The following AGPAT4 variants were observed in gnomAD, a reference collection of about 807,000 sequenced individuals.
AGPAT4 encodes 1-acyl-sn-glycerol-3-phosphate acyltransferase delta.
AGPAT4 carries 15 observed loss-of-function variants against 48.0 expected under a neutral mutation model. That is an observed-to-expected ratio of 0.31 (90% CI 0.21 to 0.48). The LOEUF (loss-of-function observed/expected upper bound fraction) is 0.48. Among genes scored for constraint, AGPAT4 ranks in the 20% least tolerant of loss-of-function variants. AGPAT4 has a pLI of 0.99. For missense variants in AGPAT4, 314 were observed against 482.5 expected, an observed-to-expected ratio of 0.65 and a Z score of 3.27; for synonymous variants, 178 against 198.7, an observed-to-expected ratio of 0.90 and a Z score of 0.88.
Position 161,164,548 on chromosome 6 carries a change from T to C in AGPAT4, c.348+1700A>G, listed in dbSNP as rs1213279272. ...GTCTTGGGCCCCAGGGCCCCTGCTT[T>C]TGTGCCCCCAACATCTTCCAGGGGA... On this transcript the variant is annotated intron_variant, in intron 3 of 8. Coordinates refer to ENST00000320285, the MANE Select transcript of AGPAT4 (RefSeq NM_020133.3). The surrounding 1 kb of genome is among the most constrained non-coding windows in gnomAD (Gnocchi z 7.4). Among the ~76,000 whole-genome samples, 1 of 152,206 alleles carries C rather than the reference T, an allele frequency of 6.6e-6. No homozygotes were observed. The highest frequency in any genetic ancestry group is 1.5e-5 in the Non-Finnish European group (1 of 68,042).
At position 161,147,218 on chromosome 6, in the gene AGPAT4, A is replaced by G. The variant is rs554873937; in HGVS notation, c.768-619T>C. On this transcript the variant is annotated intron_variant, in intron 6 of 8. Coordinates refer to ENST00000320285, the MANE Select transcript of AGPAT4 (RefSeq NM_020133.3). This position sits in a 1 kb window ranked among gnomAD's most constrained non-coding sequence, Gnocchi z 4.8. ...CTCCATGGCTCAGACAGGGGTCTTG[A>G]GTCACTGTGCACCAGCGAGAGCTCA... Among the ~76,000 whole-genome samples the G allele has an allele frequency of 4.6e-5, 7 of 152,228 alleles. No homozygotes were observed. The highest frequency in any genetic ancestry group is 1.7e-4 in the African/African-American group (7 of 41,548).
rs1366288797 is a variant in AGPAT4 at position 161,154,105 on chromosome 6, C to A, written c.510+44G>T. The A allele has an allele frequency of 3.7e-6, 6 of 1,613,240 alleles. No homozygotes were observed. The highest frequency in any genetic ancestry group is 1.1e-5 in the South Asian group (1 of 90,910). ...CACATGGGGGTCCCACGGTCACAGT[C>A]CTGCAGGAGCCCTTGGGACACAGCT... On this transcript the variant is annotated intron_variant, in intron 4 of 8. Coordinates refer to ENST00000320285, the MANE Select transcript of AGPAT4 (RefSeq NM_020133.3). The surrounding 1 kb of genome is among the most constrained non-coding windows in gnomAD (Gnocchi z 7.8).
At chr6:161,247,619 C>T (rs893564060) in intron 1 of AGPAT4, among the ~76,000 whole-genome samples, 12 of 152,114 alleles carry the variant, frequency 7.9e-5, no homozygotes, top group African/African-American at 2.7e-4. Context: ...GGGCAAAAGC[C>T]GGAAGCATTC....
At chr6:161,194,656 ATGTG>A (rs1286210498) in intron 2 of AGPAT4, among the ~76,000 whole-genome samples, 30 of 151,444 alleles carry the variant, frequency 2.0e-4, no homozygotes, top group Non-Finnish European at 3.2e-4. Context: ...GTATGTATGT[ATGTG>A]TATGTGTGTA....
chr6:161,190,542 A>G (rs979321851), intron 2 of AGPAT4, among the ~76,000 whole-genome samples: 4 of 151,800 alleles, frequency 2.6e-5, no homozygotes, highest in Non-Finnish European at 4.4e-5. Flanking sequence ...TCTGTGGCCA[A>G]TCAGCAGAGA....
At chr6:161,187,696 A>T (rs1312178801) in intron 2 of AGPAT4, among the ~76,000 whole-genome samples, 1 of 152,022 alleles carries the variant, frequency 6.6e-6, no homozygotes, top group Non-Finnish European at 1.5e-5. Flanking sequence ...GTCCACCACC[A>T]CACCCAGCTA....
In AGPAT4 at chr6:161,171,293, A is replaced by C. The variant is rs1335962376; in HGVS notation, c.179-4876T>G. Among the ~76,000 whole-genome samples, 1 of 152,230 alleles carries C rather than the reference A, an allele frequency of 6.6e-6. No homozygotes were observed. Among genetic ancestry groups the C allele is most frequent in the Non-Finnish European group, 1.5e-5 (1 of 68,034 alleles). On this transcript the variant is annotated intron_variant, in intron 2 of 8. Transcript: ENST00000320285. The surrounding 1 kb of genome is among the most constrained non-coding windows in gnomAD (Gnocchi z 4.4). ...TTATGCTGCTGTAACAGAATAGTTG[A>C]GACTGGGCAATTTACAAAGAACAGA...
rs1308251819 is a variant in AGPAT4, at chr6:161,226,971, T to C, written c.178+5065A>G. ...GAAGAAGGAATAGAAGAAGGAAAGA[T>C]TGTTTTGTTTTACAGTTTGAAAATA... On this transcript the variant is annotated intron_variant, in intron 2 of 8. Coordinates refer to ENST00000320285, the MANE Select transcript of AGPAT4 (RefSeq NM_020133.3). The surrounding 1 kb of genome is among the most constrained non-coding windows in gnomAD (Gnocchi z 6.3). Among the ~76,000 whole-genome samples the C allele has an allele frequency of 6.6e-6, 1 of 152,144 alleles. No individual in the cohort carries two copies. Among genetic ancestry groups the C allele is most frequent in the Non-Finnish European group, 1.5e-5 (1 of 68,022 alleles).
rs1439884389 is a variant in AGPAT4, at chr6:161,254,392, GA to G, written c.-90+19545del. Among the ~76,000 whole-genome samples the G allele has an allele frequency of 2.6e-5, 4 of 152,118 alleles. No homozygotes were observed. Among genetic ancestry groups the G allele is most frequent in the Non-Finnish European group, 5.9e-5 (4 of 68,032 alleles). Reference sequence around the variant, plus strand: ...TCCTGTCATTCACATCAGCCTAACTGATAACACTATTGAGGGCATAAAGTAA... The same window carrying G: ...TCCTGTCATTCACATCAGCCTAACTGTAACACTATTGAGGGCATAAAGTAA... On this transcript the variant is annotated intron_variant, in intron 1 of 8. Coordinates refer to ENST00000320285, the MANE Select transcript of AGPAT4 (RefSeq NM_020133.3). This position sits in a 1 kb window ranked among gnomAD's most constrained non-coding sequence, Gnocchi z 5.9.
Position 161,139,725 on chromosome 6 carries a change from C to T in AGPAT4, c.844-105G>A, listed in dbSNP as rs573511886. On this transcript the variant is annotated intron_variant, in intron 7 of 8. Coordinates refer to ENST00000320285, the MANE Select transcript of AGPAT4 (RefSeq NM_020133.3). This position sits in a 1 kb window ranked among gnomAD's most constrained non-coding sequence, Gnocchi z 9.1. ...AATCGCAGAGATACACAGGTGCCAC[C>T]GGGGCTCGGCAGAACTGGGGTCTGC... 1.4e-5 allele frequency: 14 copies of T among 1,004,912 alleles called. No homozygotes were observed. The East Asian group carries it at 2.5e-4, about 18-fold the overall frequency. 62.2% of individuals were successfully genotyped at this position (1,004,912 alleles called of 1,614,324 possible).
At position 161,184,816 on chromosome 6, in the gene AGPAT4, A is replaced by G. The variant is rs566304444; in HGVS notation, c.179-18399T>C. 1.3e-5 allele frequency among the ~76,000 whole-genome samples: 2 copies of G among 152,204 alleles called. No homozygotes were observed. Among genetic ancestry groups the G allele is most frequent in the East Asian group, 1.9e-4 (1 of 5,172 alleles). The stretch of plus-strand genomic sequence containing the variant: ...AGCCATAAATACCATCAGCCCTTAG[A>G]TTTTGTTCTCTAAACACCGTACCTG... On this transcript the variant is annotated intron_variant, in intron 2 of 8. Transcript: ENST00000320285. This position sits in a 1 kb window ranked among gnomAD's most constrained non-coding sequence, Gnocchi z 4.8.
In AGPAT4 at chr6:161,177,788, T is replaced by C. The variant is rs914844936; in HGVS notation, c.179-11371A>G. On this transcript the variant is annotated intron_variant, in intron 2 of 8. Coordinates refer to ENST00000320285, the MANE Select transcript of AGPAT4 (RefSeq NM_020133.3). The surrounding 1 kb of genome is among the most constrained non-coding windows in gnomAD (Gnocchi z 5.0). ...TTCTCCCCATCTTTGTGGTTTTATCTACCTTTGGTCTTTGATGATGGTGAC... is the reference window on the plus strand; with the variant it reads ...TTCTCCCCATCTTTGTGGTTTTATCCACCTTTGGTCTTTGATGATGGTGAC... Among the ~76,000 whole-genome samples the C allele has an allele frequency of 2.6e-5, 4 of 152,236 alleles. No individual in the cohort carries two copies. The highest frequency in any genetic ancestry group is 1.5e-5 in the Non-Finnish European group (1 of 68,048).
chr6:161,181,239 G>T (rs1441544135), intron 2 of AGPAT4, among the ~76,000 whole-genome samples: 1 of 152,198 alleles, frequency 6.6e-6, no homozygotes, highest in African/African-American at 2.4e-5. Context: ...TGCGTCTCTT[G>T]TGTCCTGGTA....
In AGPAT4 at chr6:161,139,726, G is replaced by A. The variant is rs967899102; in HGVS notation, c.844-106C>T. On this transcript the variant is annotated intron_variant, in intron 7 of 8. Coordinates refer to ENST00000320285, the MANE Select transcript of AGPAT4 (RefSeq NM_020133.3). This position sits in a 1 kb window ranked among gnomAD's most constrained non-coding sequence, Gnocchi z 9.1. ...ATCGCAGAGATACACAGGTGCCACC[G>A]GGGCTCGGCAGAACTGGGGTCTGCA... 4.3e-5 allele frequency: 43 copies of A among 1,007,370 alleles called. No individual in the cohort carries two copies. The highest frequency in any genetic ancestry group is 1.5e-4 in the East Asian group (6 of 40,094). The allele number at this position is 1,007,370 out of a possible 1,614,324, so 62.4% of individuals were successfully genotyped here. A position where few individuals can be genotyped will look rare whatever the true frequency, so the allele number is the denominator to read the frequency against.
Position 161,198,776 on chromosome 6 carries a change from G to A in AGPAT4, c.179-32359C>T, listed in dbSNP as rs908901791. ...GTTTTTTCCTTTACACTGACGGAGT[G>A]CGTGAATGTTAACAGGGAAACTGAC... is the stretch of plus-strand genomic sequence containing the variant. On this transcript the variant is annotated intron_variant, in intron 2 of 8. Transcript: ENST00000320285. This position sits in a 1 kb window ranked among gnomAD's most constrained non-coding sequence, Gnocchi z 4.3. 6.6e-6 allele frequency among the ~76,000 whole-genome samples: 1 copy of A among 152,184 alleles called. No homozygotes were observed. Among genetic ancestry groups the A allele is most frequent in the African/African-American group, 2.4e-5 (1 of 41,440 alleles).
rs1388936445 is a variant in AGPAT4, at chr6:161,144,107, G to A, written c.843+2417C>T. The stretch of plus-strand genomic sequence containing the variant: ...GCTCCTAGCAAAATAGGCTGATACA[G>A]AAAGGAATTGTCCCTTGATGTCTAT... On this transcript the variant is annotated intron_variant, in intron 7 of 8. Coordinates refer to ENST00000320285, the MANE Select transcript of AGPAT4 (RefSeq NM_020133.3). This position sits in a 1 kb window ranked among gnomAD's most constrained non-coding sequence, Gnocchi z 6.6. 2 of 532,694 alleles carry A rather than the reference G, an allele frequency of 3.8e-6. No homozygotes were observed. Among genetic ancestry groups the A allele is most frequent in the African/African-American group, 1.9e-5 (1 of 51,950 alleles). 33.0% of individuals were successfully genotyped at this position (532,694 alleles called of 1,614,324 possible). A position where few individuals can be genotyped will look rare whatever the true frequency, so the allele number is the denominator to read the frequency against.
rs1783390333 is a variant in AGPAT4, at chr6:161,270,505, A to G, written c.-90+3433T>C. ...GAATGTGGGCCAGGCACGGTGGCTC[A>G]CGCCTGTAATCCCAGCATTCTGGGA... On this transcript the variant is annotated intron_variant, in intron 1 of 8. Transcript: ENST00000320285. This position sits in a 1 kb window ranked among gnomAD's most constrained non-coding sequence, Gnocchi z 5.3. Among the ~76,000 whole-genome samples the G allele has an allele frequency of 6.6e-6, 1 of 152,232 alleles. No homozygotes were observed. Among genetic ancestry groups the G allele is most frequent in the African/African-American group, 2.4e-5 (1 of 41,456 alleles).
At chr6:161,181,291 C>A (rs1780582024) in intron 2 of AGPAT4, among the ~76,000 whole-genome samples, 1 of 152,178 alleles carries the variant, frequency 6.6e-6, no homozygotes, top group Non-Finnish European at 1.5e-5. Context: ...GGGCTGCCTG[C>A]TGCTCCCATC....
At chr6:161,207,545 C>T (rs1313492041) in intron 2 of AGPAT4, among the ~76,000 whole-genome samples, 1 of 152,226 alleles carries the variant, frequency 6.6e-6, no homozygotes, top group Non-Finnish European at 1.5e-5. Context: ...AGGTACAAAG[C>T]ACTGCTCTCT....
Sources: allele counts gnomAD v4.1 joint callset (sites outside exome capture counted in the v4.1 genomes callset), GRCh38; gene constraint gnomAD v4.1.1; non-coding constraint Gnocchi (gnomAD v3.1); transcripts MANE v1.5; gene names NCBI Gene and HGNC (gene_info 2026-07-23, HGNC 2026-07-21).